TIMM17B: variants seen among roughly 807,000 people sequenced by gnomAD.
TIMM17B encodes the protein translocase of inner mitochondrial membrane 17B, also known as mitochondrial import inner membrane translocase subunit Tim17-B.
Under a neutral mutation model 15.9 loss-of-function variants are expected in TIMM17B, and 10 were observed. The ratio of observed to expected loss-of-function variants is 0.63; its 90% confidence interval spans 0.39 to 1.06. TIMM17B has a LOEUF of 1.06. Ranked by LOEUF, TIMM17B falls within the 50% of genes least tolerant of loss-of-function variation. The pLI, the probability that TIMM17B is intolerant of heterozygous loss-of-function variation, is 0.01. For missense variants in TIMM17B, 114 were observed against 152.2 expected (o/e 0.75, Z 1.32); for synonymous variants, 57 against 57.2 (o/e 1.00, Z 0.02).
intron 3 of TIMM17B, chrX:48,896,474 G>C (rs1361254834): frequency 1.9e-5 from 6 of 309,351 alleles, no homozygotes; most frequent in Non-Finnish European, 3.2e-5. Flanking sequence ...AAAAAAAACT[G>C]TCTGGCTTTG....
At chrX:48,897,585 G>A (rs2063326550) in intron 2 of TIMM17B, 139 bp downstream of exon 1, 2 of 515,029 alleles carry the variant, frequency 3.9e-6, no homozygotes, top group Non-Finnish European at 6.7e-6. Context: ...CAGGAACCGA[G>A]TGGGGGTAGC....
chrX:48,897,825 T>C (rs2063330597), intron 1 of TIMM17B, 57 bp from the exon 1 acceptor site: 6 of 1,174,671 alleles, frequency 5.1e-6, no homozygotes. Context: ...TTTCCGCCTA[T>C]TACCGGGCAG....
chrX:48,897,873 C>T, intron 1 of TIMM17B, 105 bp from the exon 1 acceptor site: 1 of 1,016,541 alleles, frequency 9.8e-7, no homozygotes, highest in South Asian at 2.1e-5. Flanking sequence ...GCCAAGGACG[C>T]ACTCTCATTG....
chrX:48,895,997 A>AAAT (rs1424910977), intron 3 of TIMM17B: 1 of 112,795 alleles, frequency 8.9e-6, no homozygotes, highest in Non-Finnish European at 1.8e-5. Context: ...ATACATACAT[A>AAAT]AATAATTAGC....
exon 2 of TIMM17B, chrX:48,897,792 T>C (rs1557039937): frequency 8.3e-7 from 1 of 1,203,240 alleles, no homozygotes; most frequent in Non-Finnish European, 1.1e-6. Context: ...GCCCCCAGCG[T>C]AGACGCACAC....
intron 5 of TIMM17B, 27 bp from the exon 5 acceptor site, chrX:48,894,037 G>C (rs1304937541): frequency 8.3e-7 from 1 of 1,200,097 alleles, no homozygotes; most frequent in African/African-American, 1.7e-5. Flanking sequence ...CAGAGAAACA[G>C]AGGTGAGAGC....
chrX:48,895,307 C>T (rs1423734797), intron 3 of TIMM17B: 2 of 506,549 alleles, frequency 3.9e-6, no homozygotes, highest in East Asian at 3.6e-5. Flanking sequence ...TTCATTCATA[C>T]ATTTGTTCAT....
intron 2 of TIMM17B, chrX:48,897,487 G>A (rs1557039770): frequency 2.3e-6 from 1 of 434,316 alleles, no homozygotes; most frequent in East Asian, 3.8e-5. Context: ...ACAGGGCTAG[G>A]AGATTACGAA....
intron 2 of TIMM17B, 183 bp downstream of exon 1, chrX:48,897,541 C>G (rs1557039779): frequency 4.4e-6 from 2 of 453,879 alleles, no homozygotes; most frequent in East Asian, 7.5e-5. Flanking sequence ...CGCACCTTCT[C>G]TGGTTGTGGC....
chrX:48,895,866 G>A (rs781836120), intron 3 of TIMM17B: 3 of 167,754 alleles, frequency 1.8e-5, no homozygotes, highest in East Asian at 2.6e-4. Context: ...GGTAAAATGC[G>A]CAGTGGCTAA....
At chrX:48,893,718 C>G in exon 7 of TIMM17B, 1 of 1,142,084 alleles carries the variant, frequency 8.8e-7, no homozygotes, top group Non-Finnish European at 1.2e-6. Context: ...CCCATGGTGG[C>G]AGTGGCTTCC....
exon 2 of TIMM17B, chrX:48,897,728 G>C: frequency 1.7e-6 from 2 of 1,208,003 alleles, no homozygotes; most frequent in Non-Finnish European, 2.2e-6. Context: ...CCGTACCAGG[G>C]CTCCCGAGCG....
At chrX:48,894,951 C>A (rs2063300417) in intron 4 of TIMM17B, 87 bp downstream of exon 3, 1 of 794,638 alleles carries the variant, frequency 1.3e-6, no homozygotes, top group Non-Finnish European at 1.9e-6. Flanking sequence ...AGAATCTGAA[C>A]CCCTAACTTG....
chrX:48,897,069 T>C, intron 2 of TIMM17B: 1 of 858,282 alleles, frequency 1.2e-6, no homozygotes, highest in Non-Finnish European at 1.6e-6. Flanking sequence ...GGGAGAAATA[T>C]TAGTCTTCGC....
In TIMM17B at chrX:48,894,033, A is replaced by G. The variant is rs1557039108; in HGVS notation, c.320-23T>C. 4 of 1,199,765 alleles carry G rather than the reference A, an allele frequency of 3.3e-6. No individual in the cohort carries two copies. The South Asian group carries it at 7.2e-5, about 22-fold the overall frequency. ...CACCTGGGGGAGTTGGAGGCAGAGAAACAGAGGTGAGAGCAGGCAGAACAG... is the reference window on the plus strand; with the variant it reads ...CACCTGGGGGAGTTGGAGGCAGAGAGACAGAGGTGAGAGCAGGCAGAACAG... On this transcript the variant is annotated intron_variant, in intron 5 of 6. Transcript: ENST00000376582.
At chrX:48,894,072 G>GGGGCCA (rs1157519715) in intron 5 of TIMM17B, 25 bp downstream of exon 4, 4 of 1,197,100 alleles carry the variant, frequency 3.3e-6, no homozygotes, top group East Asian at 3.0e-5. Flanking sequence ...GGAAGGGGCT[G>GGGGCCA]GGGCCAGGGC....
At chrX:48,895,682 G>A in intron 3 of TIMM17B, 1 of 365,445 alleles carries the variant, frequency 2.7e-6, no homozygotes, top group East Asian at 3.9e-5. Flanking sequence ...CAGAGACCTT[G>A]GCTAATAGAT....
chrX:48,897,279 G>A (rs1222037717), intron 2 of TIMM17B: 1 of 214,376 alleles, frequency 4.7e-6, no homozygotes, highest in Non-Finnish European at 8.5e-6. Flanking sequence ...TTTTCAATCC[G>A]GCACAACTGG....
intron 3 of TIMM17B, chrX:48,895,818 T>TTCCTCTA (rs782589316): frequency 4.6e-6 from 1 of 216,376 alleles, no homozygotes; most frequent in African/African-American, 2.8e-5. Context: ...TCCTGTCATT[T>TTCCTCTA]TCCTCTATCC....
Sources: allele counts gnomAD v4.1 joint callset, GRCh38; gene constraint gnomAD v4.1.1; transcripts MANE v1.5; gene names NCBI Gene and HGNC (gene_info 2026-07-23, HGNC 2026-07-21).